The following NTNG1 variants were observed in gnomAD, a reference collection of about 807,000 sequenced individuals.
NTNG1 encodes netrin-G1.
NTNG1 carries 16 observed loss-of-function variants against 54.0 expected under a neutral mutation model. That is an observed-to-expected ratio of 0.30 (90% confidence interval 0.20 to 0.45). NTNG1 has a LOEUF of 0.45. Among genes scored for constraint, NTNG1 ranks in the 20% least tolerant of loss-of-function variants. The pLI, the probability that NTNG1 is intolerant of heterozygous loss-of-function variation, is 1.00. For synonymous variants in NTNG1, 255 were observed against 263.1 expected (o/e 0.97, Z 0.30); for missense variants, 530 against 678.7 (o/e 0.78, Z 2.43).
intron 2 of NTNG1, among the ~76,000 whole-genome samples, chr1:107,277,165 T>A (rs1664534678): frequency 6.6e-6 from 1 of 152,216 alleles, no homozygotes; most frequent in Admixed American, 6.5e-5. Flanking sequence ...GAGCTTTGTA[T>A]CTCTCAGGAA....
rs183667977 is a variant in NTNG1, at chr1:107,365,850, G to A, written c.888-29304G>A. Among the ~76,000 whole-genome samples, 110 of 152,248 alleles carry A rather than the reference G, an allele frequency of 7.2e-4. 1 individual carries two copies. The highest frequency in any genetic ancestry group is 2.6e-3 in the African/African-American group (108 of 41,558). ...ATGCTCAAGCATTATTTTATTTTAT[G>A]TTCATTCAAAGCTATATTAAACAGT... On this transcript the variant is annotated intron_variant, in intron 3 of 7. Coordinates refer to ENST00000370068, the MANE Select transcript of NTNG1 (RefSeq NM_001113226.3).
At chr1:107,333,569 C>T (rs763959347) in intron 3 of NTNG1, among the ~76,000 whole-genome samples, 7 of 151,878 alleles carry the variant, frequency 4.6e-5, no homozygotes, top group Non-Finnish European at 7.4e-5. Context: ...GACTAGTATT[C>T]GCAGAACTCT....
At chr1:107,212,413 A>G (rs1024546123) in intron 2 of NTNG1, among the ~76,000 whole-genome samples, 2 of 152,136 alleles carry the variant, frequency 1.3e-5, no homozygotes, top group Admixed American at 1.3e-4. Flanking sequence ...GACTCCCGGA[A>G]AGATTACAGG....
intron 4 of NTNG1, among the ~76,000 whole-genome samples, chr1:107,399,529 T>C (rs1262143769): frequency 6.6e-6 from 1 of 152,198 alleles, no homozygotes; most frequent in African/African-American, 2.4e-5. Flanking sequence ...CAAGTTTGCA[T>C]TGACCAATTT....
intron 7 of NTNG1, among the ~76,000 whole-genome samples, chr1:107,449,900 T>C (rs985086842): frequency 1.3e-5 from 2 of 152,088 alleles, no homozygotes; most frequent in African/African-American, 4.8e-5. Context: ...CTGAAATATA[T>C]TTTACCAGGT....
chr1:107,286,003 C>A (rs778627736), intron 2 of NTNG1, among the ~76,000 whole-genome samples: 1 of 152,080 alleles, frequency 6.6e-6, no homozygotes, highest in Non-Finnish European at 1.5e-5. Flanking sequence ...GGAAACACAT[C>A]AAAGAGACTA....
Position 107,206,644 on chromosome 1 carries a change from T to G in NTNG1, c.246+57805T>G, listed in dbSNP as rs769307238. ...CCACTTTTATATCCCAAGCTGCACT[T>G]AGGAGCCACCACAAGGATTATTCCT... On this transcript the variant is annotated intron_variant, in intron 2 of 7. Transcript: ENST00000370068. Among the ~76,000 whole-genome samples the G allele has an allele frequency of 4.6e-5, 7 of 152,282 alleles. No homozygotes were observed. In the East Asian group the frequency reaches 5.8e-4, roughly 13 times the overall value.
chr1:107,221,132 A>C (rs1660314163), intron 2 of NTNG1, among the ~76,000 whole-genome samples: 1 of 152,034 alleles, frequency 6.6e-6, no homozygotes, highest in South Asian at 2.1e-4. Context: ...TACTTGGCCT[A>C]TTTTTAGGTT....
intron 2 of NTNG1, among the ~76,000 whole-genome samples, chr1:107,273,248 G>A (rs1664259148): frequency 6.6e-6 from 1 of 152,150 alleles, no homozygotes; most frequent in South Asian, 2.1e-4. Context: ...TGAGTGCTGA[G>A]TGATGCAGTG....
rs149549416 is a variant in NTNG1, at chr1:107,394,937, A to G, written c.888-217A>G. Among the ~76,000 whole-genome samples the G allele has an allele frequency of 4.5e-3, 685 of 152,204 alleles. 8 individuals carry two copies. Among genetic ancestry groups the G allele is most frequent in the African/African-American group, 0.016 (659 of 41,528 alleles). On this transcript the variant is annotated intron_variant, in intron 3 of 7. Transcript: ENST00000370068. ...GACTGCTATTCGGCTTTCTCAATGT[A>G]CAGTGTAAGGACAGACTACATTGTA...
chr1:107,411,483 G>A (rs1423636420), intron 5 of NTNG1, among the ~76,000 whole-genome samples: 1 of 152,080 alleles, frequency 6.6e-6, no homozygotes, highest in Non-Finnish European at 1.5e-5. Flanking sequence ...TTGATTTATT[G>A]TAGAAACCTG....
At chr1:107,293,990 G>T (rs532423027) in intron 2 of NTNG1, among the ~76,000 whole-genome samples, 16 of 152,264 alleles carry the variant, frequency 1.1e-4, no homozygotes, top group Admixed American at 5.9e-4. Context: ...GATAGATAAA[G>T]GATTCTGAAA....
At chr1:107,307,558 C>A (rs1485697650) in intron 2 of NTNG1, among the ~76,000 whole-genome samples, 1 of 152,174 alleles carries the variant, frequency 6.6e-6, no homozygotes, top group African/African-American at 2.4e-5. Flanking sequence ...ACAAAGAATT[C>A]ACAGAGGGCT....
intron 3 of NTNG1, among the ~76,000 whole-genome samples, chr1:107,373,405 T>C (rs1190098338): frequency 6.6e-6 from 1 of 152,100 alleles, no homozygotes; most frequent in Non-Finnish European, 1.5e-5. Context: ...TGTTTTCACA[T>C]GTTTTACAGA....
chr1:107,249,284 G>T (rs1291776422), intron 2 of NTNG1, among the ~76,000 whole-genome samples: 4 of 151,712 alleles, frequency 2.6e-5, no homozygotes, highest in African/African-American at 9.7e-5. Context: ...TCATGAGTTC[G>T]AGACCAGCCT....
intron 2 of NTNG1, among the ~76,000 whole-genome samples, chr1:107,173,783 T>A (rs1380882603): frequency 6.6e-6 from 1 of 150,824 alleles, no homozygotes; most frequent in African/African-American, 2.4e-5. Context: ...AAGAATGAAA[T>A]GATTTCATGA....
intron 7 of NTNG1, among the ~76,000 whole-genome samples, chr1:107,462,919 CTAATGAG>C (rs1677368125): frequency 6.6e-6 from 1 of 152,160 alleles, no homozygotes; most frequent in Admixed American, 6.5e-5. Context: ...CGCCCCACAG[CTAATGAG>C]TTGAGGATAC....
chr1:107,180,391 G>A (rs1656979390), intron 2 of NTNG1, among the ~76,000 whole-genome samples: 2 of 152,062 alleles, frequency 1.3e-5, no homozygotes, highest in African/African-American at 4.8e-5. Flanking sequence ...TAATGGTAAT[G>A]CATTTTACAT....
intron 2 of NTNG1, among the ~76,000 whole-genome samples, chr1:107,234,183 C>G (rs1433812751): frequency 6.6e-6 from 1 of 152,144 alleles, no homozygotes; most frequent in Non-Finnish European, 1.5e-5. Context: ...AGAGCAGTGG[C>G]ATGATCTTGG....
Sources: gnomAD v4.1 joint callset for allele counts (sites outside exome capture counted in the v4.1 genomes callset) on GRCh38, gnomAD v4.1.1 for gene constraint, MANE v1.5 for transcripts, NCBI Gene and HGNC (gene_info 2026-07-23, HGNC 2026-07-21) for gene names.